The following TMEM41B variants were observed in gnomAD, a reference collection of about 807,000 sequenced individuals.
TMEM41B encodes transmembrane protein 41B.
Under a neutral mutation model 31.9 loss-of-function variants are expected in TMEM41B, and 18 were observed. The observed-to-expected ratio is 0.56, with a 90% CI of 0.39 to 0.84. The LOEUF is 0.84. Among genes scored for constraint, TMEM41B ranks in the 40% least tolerant of loss-of-function variants. The pLI, the probability that TMEM41B is intolerant of heterozygous loss-of-function variation, is 0.00. For missense variants in TMEM41B, 322 were observed against 348.0 expected (o/e 0.93, Z 0.59); for synonymous variants, 144 against 124.3 (o/e 1.16, Z -1.05).
At chr11:9,313,131 C>T (rs1450529567) in intron 1 of TMEM41B, among the ~76,000 whole-genome samples, 1 of 152,026 alleles carries the variant, frequency 6.6e-6, no homozygotes, top group Non-Finnish European at 1.5e-5. Context: ...ATATTGTCAC[C>T]CTCAGTAGTA....
chr11:9,298,420 T>A (rs1324601616), intron 2 of TMEM41B, among the ~76,000 whole-genome samples: 1 of 144,252 alleles, frequency 6.9e-6, no homozygotes, highest in African/African-American at 2.6e-5. Flanking sequence ...GATGGCACCA[T>A]TGCACTCCAG....
At chr11:9,312,790 G>C (rs1039530811) in intron 1 of TMEM41B, among the ~76,000 whole-genome samples, 5 of 151,358 alleles carry the variant, frequency 3.3e-5, no homozygotes, top group African/African-American at 7.3e-5. Flanking sequence ...TGTAGTCCCA[G>C]CTACTCGGGA....
intron 1 of TMEM41B, chr11:9,311,639 G>T: frequency 1.1e-6 from 1 of 873,166 alleles, no homozygotes; most frequent in Non-Finnish European, 1.9e-6. Flanking sequence ...GGCACCCAAT[G>T]TTGGGTGGAT....
chr11:9,297,089 G>C (rs1008361501), intron 2 of TMEM41B, among the ~76,000 whole-genome samples: 20 of 151,870 alleles, frequency 1.3e-4, no homozygotes, highest in Non-Finnish European at 8.8e-5. Flanking sequence ...TGCTCTGCTA[G>C]TTGTTGTTTT....
In TMEM41B at chr11:9,282,275, G is replaced by A. The variant is rs1852733693; in HGVS notation, c.*1149C>T. 2 of 151,972 alleles carry A rather than the reference G, an allele frequency of 1.3e-5. No individual in the cohort carries two copies. The highest frequency in any genetic ancestry group is 1.9e-4 in the East Asian group (1 of 5,176). The allele number at this position is 151,972 out of a possible 1,614,324, so 9.4% of individuals were successfully genotyped here. A position where few individuals can be genotyped will look rare whatever the true frequency, so the allele number is the denominator to read the frequency against. Reference sequence around the variant, plus strand: ...CACCTGTAATCCCAGCTACTCAGGAGGCTGGGCCAGGAGAATCGCTTGAAC... The same window carrying A: ...CACCTGTAATCCCAGCTACTCAGGAAGCTGGGCCAGGAGAATCGCTTGAAC... On this transcript the variant is annotated 3_prime_UTR_variant, in exon 7 of 7. Coordinates refer to ENST00000528080, the MANE Select transcript of TMEM41B (RefSeq NM_015012.4).
intron 1 of TMEM41B, among the ~76,000 whole-genome samples, chr11:9,306,916 A>C (rs193021677): frequency 6.6e-6 from 1 of 152,204 alleles, no homozygotes; most frequent in African/African-American, 2.4e-5. Context: ...ATTTGTTCAC[A>C]AAATTATCTT....
chr11:9,297,163 C>G (rs941576873), intron 2 of TMEM41B, among the ~76,000 whole-genome samples: 2 of 152,160 alleles, frequency 1.3e-5, no homozygotes, highest in Non-Finnish European at 2.9e-5. Flanking sequence ...CGGCCCACTG[C>G]AAGCTCCGCC....
rs1324047244 is a variant in TMEM41B at position 9,283,547 on chromosome 11, C to A, written c.753G>T (p.Leu251=). 4 of 1,611,834 alleles carry A rather than the reference C, an allele frequency of 2.5e-6. No individual in the cohort carries two copies. In the African/African-American group the frequency reaches 5.3e-5, roughly 22 times the overall value. Residue 251 remains leucine, a synonymous_variant, in exon 7 of 7, where the codon CTG becomes CTT. Transcript: ENST00000528080. Reference sequence around the variant, plus strand: ...CTTCTCCTGCTGTTGTAAGTTGATACAGTGTTGTTCCTGCCTTAATGGCTA... The same window carrying A: ...CTTCTCCTGCTGTTGTAAGTTGATAAAGTGTTGTTCCTGCCTTAATGGCTA... ...SFVAIKAGTT[L]YQLTTAGEAV...
intron 1 of TMEM41B, among the ~76,000 whole-genome samples, chr11:9,308,352 T>G (rs1295794096): frequency 6.6e-6 from 1 of 152,128 alleles, no homozygotes; most frequent in Non-Finnish European, 1.5e-5. Context: ...CTGGCCAACC[T>G]TGGACATTTT....
At chr11:9,300,604 C>T (rs760284008) in intron 1 of TMEM41B, among the ~76,000 whole-genome samples, 5 of 152,076 alleles carry the variant, frequency 3.3e-5, no homozygotes, top group African/African-American at 4.8e-5. Flanking sequence ...CGAGGCCAGG[C>T]GCGGTGGCTC....
Position 9,287,731 on chromosome 11 carries a change from T to A in TMEM41B, c.538A>T (p.Thr180Ser). 6.2e-7 allele frequency: 1 copy of A among 1,613,002 alleles called. No homozygotes were observed. The highest frequency in any genetic ancestry group is 1.1e-5 in the South Asian group (1 of 90,810). Residue 180 changes from threonine (T) to serine (S), a missense_variant, in exon 5 of 7, where the codon ACA becomes TCA. This residue lies in a region of TMEM41B where 47 missense variants were observed against 84.8 expected (regional missense o/e 0.55). Coordinates refer to ENST00000528080, the MANE Select transcript of TMEM41B (RefSeq NM_015012.4). Reference protein sequence around the residue: ...VGRPVVYKYLTEKAVKWSQQV... With the variant: ...VGRPVVYKYLSEKAVKWSQQV... Reference sequence around the variant, plus strand: ...TGTGACCATTTTACTGCTTTCTCTGTTAGGTATTTGTATACAACTGGTCTC... The same window carrying A: ...TGTGACCATTTTACTGCTTTCTCTGATAGGTATTTGTATACAACTGGTCTC...
intron 1 of TMEM41B, among the ~76,000 whole-genome samples, chr11:9,303,293 C>T (rs1177220770): frequency 1.3e-5 from 2 of 152,036 alleles, no homozygotes; most frequent in African/African-American, 4.8e-5. Context: ...CGTGTGCTAC[C>T]ACACCCAGCT....
chr11:9,291,871 C>A lies in TMEM41B; in HGVS notation c.369-3336G>T, dbSNP rs578101457. Among the ~76,000 whole-genome samples, 4 of 152,188 alleles carry A rather than the reference C, an allele frequency of 2.6e-5. No homozygotes were observed. In the South Asian group the frequency reaches 8.3e-4, roughly 32 times the overall value. ...CACAGACGCCTGCCACCATAACTGG[C>A]TAATTTTTGTATTTTTAGTAGAGAC... is the stretch of plus-strand genomic sequence containing the variant. On this transcript the variant is annotated intron_variant, in intron 3 of 6. Transcript: ENST00000528080.
intron 1 of TMEM41B, among the ~76,000 whole-genome samples, chr11:9,307,116 T>C (rs1270872825): frequency 2.0e-5 from 3 of 152,152 alleles, no homozygotes; most frequent in African/African-American, 7.2e-5. Flanking sequence ...CTCCAGTAGC[T>C]CCATAATTCT....
intron 1 of TMEM41B, among the ~76,000 whole-genome samples, chr11:9,300,779 G>A (rs1319027302): frequency 6.6e-6 from 1 of 151,954 alleles, no homozygotes; most frequent in Non-Finnish European, 1.5e-5. Context: ...TCGGGAGGCT[G>A]AGGCAGGAGA....
chr11:9,294,576 T>C (rs972390638), intron 3 of TMEM41B, among the ~76,000 whole-genome samples: 63 of 151,332 alleles, frequency 4.2e-4, no homozygotes, highest in African/African-American at 1.4e-3. Flanking sequence ...ACTGAGAAGA[T>C]CTGGAAAACA....
intron 3 of TMEM41B, among the ~76,000 whole-genome samples, chr11:9,291,494 C>A (rs1031917719): frequency 1.4e-4 from 21 of 151,792 alleles, no homozygotes; most frequent in Non-Finnish European, 2.5e-4. Context: ...CCCTGCCTCC[C>A]AGGTTCAAGC....
At position 9,288,514 on chromosome 11, in the gene TMEM41B, T is replaced by A. The variant is rs1351278386; in HGVS notation, c.390A>T (p.Pro130=). 2 of 1,584,090 alleles carry A rather than the reference T, an allele frequency of 1.3e-6. No homozygotes were observed. The highest frequency in any genetic ancestry group is 3.6e-5 in the Admixed American group (2 of 54,814). Residue 130 remains proline, a synonymous_variant, in exon 4 of 7, where the codon CCA becomes CCT. Transcript: ENST00000528080. ...TYIFLQTFAI[P]GSIFLSILSG... ...AGAGTATACTGAGAAATATAGAGCC[T>A]GGAATAGCAAATGTTTGCAAGCTGG...
chr11:9,288,365 G>T, intron 4 of TMEM41B, 77 bp downstream of exon 4: 1 of 992,974 alleles, frequency 1.0e-6, no homozygotes, highest in Non-Finnish European at 1.5e-6. Context: ...ACATAGACTA[G>T]TAGGGTTAAA....
Sources: gnomAD v4.1 joint callset for allele counts (sites outside exome capture counted in the v4.1 genomes callset) on GRCh38, gnomAD v4.1.1 for gene constraint, gnomAD v4.1.1 regional missense constraint, MANE v1.5 for transcripts, NCBI Gene and HGNC (gene_info 2026-07-23, HGNC 2026-07-21) for gene names.